ADAMTS9: variants seen among roughly 807,000 people sequenced by gnomAD.
ADAMTS9 encodes A disintegrin and metalloproteinase with thrombospondin motifs 9.
Under a neutral mutation model 257.1 loss-of-function variants are expected in ADAMTS9, and 107 were observed. The ratio of observed to expected loss-of-function variants is 0.42; its 90% confidence interval spans 0.36 to 0.49. ADAMTS9 has a LOEUF of 0.49. ADAMTS9 is among the 20% of genes least tolerant of loss of function. The probability of loss-of-function intolerance (pLI) is 0.03; values close to 1 mark genes in which losing one functional copy is unlikely to be tolerated. For synonymous variants in ADAMTS9, 982 were observed against 880.9 expected (o/e 1.11, Z -2.03); for missense variants, 2,353 against 2,469.1 (o/e 0.95, Z 1.00).
intron 28 of ADAMTS9, among the ~76,000 whole-genome samples, chr3:64,570,120 T>TA (rs2106689668): frequency 6.6e-6 from 1 of 152,170 alleles, no homozygotes; most frequent in Non-Finnish European, 1.5e-5. Flanking sequence ...AGGGTTCAAT[T>TA]AGATTTGGAA....
At chr3:64,578,550 T>C (rs1054827618) in intron 28 of ADAMTS9, among the ~76,000 whole-genome samples, 2 of 149,032 alleles carry the variant, frequency 1.3e-5, no homozygotes, top group Non-Finnish European at 2.9e-5. Context: ...ACTGGAAATA[T>C]CTTTCTTTGT....
At chr3:64,613,966 T>A (rs2084714097) in intron 21 of ADAMTS9, among the ~76,000 whole-genome samples, 1 of 152,184 alleles carries the variant, frequency 6.6e-6, no homozygotes. Flanking sequence ...CTTGGCACAA[T>A]GTTCATTTAA....
intron 16 of ADAMTS9, among the ~76,000 whole-genome samples, chr3:64,626,330 T>G: frequency 6.6e-6 from 1 of 152,162 alleles, no homozygotes; most frequent in Admixed American, 6.5e-5. Context: ...CTACTAAAAT[T>G]TTCCAAGAAG....
At chr3:64,675,663 C>T (rs1393279203) in intron 3 of ADAMTS9, among the ~76,000 whole-genome samples, 2 of 152,064 alleles carry the variant, frequency 1.3e-5, no homozygotes. Context: ...ATAGCAGTTT[C>T]CATTTGTGTT....
intron 38 of ADAMTS9, among the ~76,000 whole-genome samples, chr3:64,525,377 G>A (rs537016608): frequency 4.6e-5 from 7 of 151,942 alleles, no homozygotes; most frequent in South Asian, 2.1e-4. Flanking sequence ...CACCCTCTGC[G>A]CCTGCACAAT....
intron 26 of ADAMTS9, among the ~76,000 whole-genome samples, chr3:64,598,224 G>C (rs907120609): frequency 6.6e-6 from 1 of 151,814 alleles, no homozygotes; most frequent in African/African-American, 2.4e-5. Flanking sequence ...TTCCTCTTGA[G>C]AAAATATTTA....
Position 64,539,306 on chromosome 3 carries a change from A to G in ADAMTS9, c.5522-12T>C, listed in dbSNP as rs1160996389. ...CTGTAAGTCAGTGGCTGTGGGGTGGAGAAGGGGTTAAAGGCAGGGGAAGGT... is the reference window on the plus strand; with the variant it reads ...CTGTAAGTCAGTGGCTGTGGGGTGGGGAAGGGGTTAAAGGCAGGGGAAGGT... On this transcript the variant is annotated splice_polypyrimidine_tract_variant and intron_variant, in intron 36 of 39. Transcript: ENST00000498707. The G allele has an allele frequency of 6.2e-7, 1 of 1,610,964 alleles. No homozygotes were observed. Among genetic ancestry groups the G allele is most frequent in the Non-Finnish European group, 8.5e-7 (1 of 1,177,270 alleles).
At chr3:64,678,153 C>G (rs1234431111) in intron 3 of ADAMTS9, among the ~76,000 whole-genome samples, 1 of 152,118 alleles carries the variant, frequency 6.6e-6, no homozygotes, top group Non-Finnish European at 1.5e-5. Context: ...AGGGAAGGTT[C>G]GGATGGGTTG....
Position 64,594,394 on chromosome 3 carries a change from A to G in ADAMTS9, c.4220T>C (p.Val1407Ala). 3 of 1,614,072 alleles carry G rather than the reference A, an allele frequency of 1.9e-6. No homozygotes were observed. The highest frequency in any genetic ancestry group is 2.5e-6 in the Non-Finnish European group (3 of 1,179,972). The part of the protein sequence containing the change: ...LCGGGIRTRL[V>A]VCQRSNGERF... ...TTCACCGTTGGACCGCTGACAGACC[A>G]CCAGTCTTGTTCTTATGCCTCCACC... The change falls in exon 28 of 40, where the codon GTG becomes GCG. Residue 1407 changes from valine to alanine, a missense_variant. Val to Ala is a moderately conservative substitution (Grantham distance 64). Transcript: ENST00000498707.
chr3:64,601,396 T>C (rs1324986356), intron 26 of ADAMTS9, among the ~76,000 whole-genome samples: 2 of 152,142 alleles, frequency 1.3e-5, no homozygotes, highest in Admixed American at 6.6e-5. Context: ...CTACGCATCT[T>C]CCCTCAGAGA....
At chr3:64,639,515 C>T (rs896051733) in intron 12 of ADAMTS9, among the ~76,000 whole-genome samples, 3 of 151,854 alleles carry the variant, frequency 2.0e-5, no homozygotes, top group Non-Finnish European at 4.4e-5. Context: ...TTATCTCTCT[C>T]CACTTTTCAC....
At chr3:64,533,815 C>T (rs1162316727) in intron 37 of ADAMTS9, among the ~76,000 whole-genome samples, 1 of 152,168 alleles carries the variant, frequency 6.6e-6, no homozygotes, top group Non-Finnish European at 1.5e-5. Context: ...GCAGGGTTGG[C>T]CTGCTCAAGA....
chr3:64,554,622 C>G (rs1187856240), intron 30 of ADAMTS9, among the ~76,000 whole-genome samples: 2 of 152,192 alleles, frequency 1.3e-5, no homozygotes, highest in African/African-American at 4.8e-5. Flanking sequence ...AAGGTTTTCT[C>G]TAATTTCAGT....
At chr3:64,524,548 C>G (rs2082887041) in intron 38 of ADAMTS9, among the ~76,000 whole-genome samples, 1 of 152,188 alleles carries the variant, frequency 6.6e-6, no homozygotes, top group African/African-American at 2.4e-5. Context: ...ATATTTTCCT[C>G]CCCCAATATC....
intron 21 of ADAMTS9, among the ~76,000 whole-genome samples, chr3:64,614,500 T>C (rs1284177704): frequency 6.6e-6 from 1 of 152,210 alleles, no homozygotes; most frequent in Non-Finnish European, 1.5e-5. Flanking sequence ...AGCATGGATG[T>C]AGGAGCTGTA....
chr3:64,593,585 T>G (rs900670734), intron 28 of ADAMTS9, among the ~76,000 whole-genome samples: 2 of 152,182 alleles, frequency 1.3e-5, no homozygotes, highest in African/African-American at 4.8e-5. Flanking sequence ...TGTCTCACCA[T>G]GTCAGCTGCT....
At chr3:64,555,230 A>C (rs1367785974) in intron 30 of ADAMTS9, among the ~76,000 whole-genome samples, 2 of 152,206 alleles carry the variant, frequency 1.3e-5, no homozygotes, top group African/African-American at 2.4e-5. Flanking sequence ...CAACGAAAAA[A>C]GCAGTCCTTA....
intron 32 of ADAMTS9, among the ~76,000 whole-genome samples, chr3:64,545,596 C>T (rs908731678): frequency 1.3e-5 from 2 of 151,892 alleles, no homozygotes; most frequent in South Asian, 2.1e-4. Context: ...CATCACATAC[C>T]GGGGCCTGTC....
rs374165599 is a variant in ADAMTS9, at chr3:64,686,153, C to G, written c.516+415G>C. ...GGGCAGGGGATCCTCAGCCCCACAT[C>G]CCCGATGCAAGGCGCACCAATAAGG... On this transcript the variant is annotated intron_variant, in intron 2 of 39. Coordinates refer to ENST00000498707, the MANE Select transcript of ADAMTS9 (RefSeq NM_182920.2). The surrounding 1 kb of genome is among the most constrained non-coding windows in gnomAD (Gnocchi z 4.6). Among the ~76,000 whole-genome samples, 97 of 152,352 alleles carry G rather than the reference C, an allele frequency of 6.4e-4. No homozygotes were observed. Among genetic ancestry groups the G allele is most frequent in the African/African-American group, 2.2e-3 (93 of 41,590 alleles).
Sources: gnomAD v4.1 joint callset for allele counts (sites outside exome capture counted in the v4.1 genomes callset) on GRCh38, gnomAD v4.1.1 for gene constraint, Gnocchi (gnomAD v3.1) non-coding constraint, MANE v1.5 for transcripts, NCBI Gene and HGNC (gene_info 2026-07-23, HGNC 2026-07-21) for gene names.